Variants in C5orf47 observed in about 807,000 individuals in gnomAD.
C5orf47 encodes the protein chromosome 5 open reading frame 47, also known as uncharacterized protein C5orf47.
A neutral mutation model predicts 20.6 loss-of-function variants in C5orf47; 20 were observed. The ratio of observed to expected loss-of-function variants is 0.97; its 90% confidence interval spans 0.68 to 1.41. C5orf47 has a LOEUF of 1.41. Ranked by LOEUF, C5orf47 falls within the 40% of genes most tolerant of loss-of-function variation. C5orf47 has a pLI of 0.00. For synonymous variants in C5orf47, 106 were observed against 97.3 expected (o/e 1.09, Z -0.53); for missense variants, 262 against 238.4 (o/e 1.10, Z -0.65).
chr5:174,001,918 A>G (rs1759202257), intron 4 of C5orf47, among the ~76,000 whole-genome samples: 1 of 144,494 alleles, frequency 6.9e-6, no homozygotes, highest in African/African-American at 2.6e-5. Context: ...TGTCACCTCT[A>G]CTGAAATCTA....
intron 3 of C5orf47, among the ~76,000 whole-genome samples, chr5:174,000,965 G>T (rs1366729051): frequency 6.6e-6 from 1 of 152,080 alleles, no homozygotes; most frequent in East Asian, 1.9e-4. Flanking sequence ...ATGTAATCTT[G>T]TAAGGATTAT....
chr5:173,995,707 G>C (rs993640407), intron 1 of C5orf47, among the ~76,000 whole-genome samples: 4 of 152,238 alleles, frequency 2.6e-5, no homozygotes, highest in African/African-American at 9.6e-5. Context: ...ATGGTGATTA[G>C]CATGTCTAGC....
At chr5:174,002,950 C>T (rs1405956184) in intron 4 of C5orf47, among the ~76,000 whole-genome samples, 1 of 151,998 alleles carries the variant, frequency 6.6e-6, no homozygotes, top group African/African-American at 2.4e-5. Context: ...CTTGCTGATG[C>T]CTACTTATGA....
intron 1 of C5orf47, among the ~76,000 whole-genome samples, chr5:173,991,966 T>C (rs1759005168): frequency 6.6e-6 from 1 of 152,194 alleles, no homozygotes; most frequent in Admixed American, 6.5e-5. Context: ...AATAACCTTC[T>C]CTATGTTTTC....
In C5orf47 at chr5:173,998,198, C is replaced by T. The variant is rs1247481343; in HGVS notation, c.371C>T (p.Pro124Leu). The change falls in exon 2 of 5, where the codon CCA becomes CTA. Residue 124 changes from proline (P) to leucine (L), a missense_variant. Transcript: ENST00000340147. ...GCTAAAAAGTATGATTTTCCCATACCATTGAATGAAGCTTCCAAAATAATG... is the reference window on the plus strand; with the variant it reads ...GCTAAAAAGTATGATTTTCCCATACTATTGAATGAAGCTTCCAAAATAATG... The part of the protein sequence containing the change: ...DAAKKYDFPI[P>L]LNEASKIMKK... 2.6e-6 allele frequency: 4 copies of T among 1,541,940 alleles called. No individual in the cohort carries two copies. The African/African-American group carries it at 4.1e-5, about 16-fold the overall frequency.
At chr5:173,993,235 C>T (rs1274185883) in intron 1 of C5orf47, among the ~76,000 whole-genome samples, 1 of 152,044 alleles carries the variant, frequency 6.6e-6, no homozygotes, top group East Asian at 1.9e-4. Context: ...ATTTTACTTA[C>T]AGTTGTTTTG....
intron 3 of C5orf47, among the ~76,000 whole-genome samples, chr5:174,000,945 C>A (rs919142013): frequency 3.3e-5 from 5 of 152,070 alleles, no homozygotes; most frequent in Non-Finnish European, 5.9e-5. Context: ...AGCAAGAGGC[C>A]TTCTCTTAAA....
chr5:173,989,487 T>C lies in C5orf47; in HGVS notation c.224T>C (p.Leu75Pro). 1.9e-6 allele frequency: 3 copies of C among 1,547,618 alleles called. No individual in the cohort carries two copies. Among genetic ancestry groups the C allele is most frequent in the Non-Finnish European group, 2.6e-6 (3 of 1,145,654 alleles). The change falls in exon 1 of 5, where the codon CTC (leucine) becomes CCC (proline). Residue 75 changes from leucine to proline, a missense_variant. By Grantham distance (98) the Leu-to-Pro change is moderately conservative (BLOSUM62 -3). Transcript: ENST00000340147. ...AGCGAGCTGCCCCTCGGTTCCCAGC[T>C]CAGGGTCCCCACGACCCCTGGTGTG... Reference protein sequence around the residue: ...GGSELPLGSQLRVPTTPGVEA... With the variant: ...GGSELPLGSQPRVPTTPGVEA...
chr5:173,998,707 A>C (rs1423502041), intron 2 of C5orf47, among the ~76,000 whole-genome samples: 1 of 152,200 alleles, frequency 6.6e-6, no homozygotes, highest in Non-Finnish European at 1.5e-5. Flanking sequence ...TAGTTGTCCA[A>C]ATGTCATGGT....
intron 4 of C5orf47, among the ~76,000 whole-genome samples, chr5:174,003,102 A>G (rs1314431546): frequency 6.6e-6 from 1 of 152,190 alleles, no homozygotes; most frequent in Non-Finnish European, 1.5e-5. Flanking sequence ...GTTGTTATCC[A>G]TTTATAGTTA....
chr5:173,996,745 A>G (rs997815582), intron 1 of C5orf47, among the ~76,000 whole-genome samples: 14 of 152,132 alleles, frequency 9.2e-5, no homozygotes, highest in African/African-American at 3.1e-4. Context: ...ATTAGAAACA[A>G]ATATAATAAA....
chr5:173,989,235 G>A lies in C5orf47; in HGVS notation c.-29G>A. ...GCGCCTGTGGCGTCGTGTTTGCTGA[G>A]GGCCCGGCTGCCGTTGACTGAGGCT... On this transcript the variant is annotated 5_prime_UTR_variant, in exon 1 of 5. Transcript: ENST00000340147. 2 of 1,372,226 alleles carry A rather than the reference G, an allele frequency of 1.5e-6. No individual in the cohort carries two copies. The highest frequency in any genetic ancestry group is 3.5e-5 in the Admixed American group (1 of 28,256). 85.0% of individuals were successfully genotyped at this position (1,372,226 alleles called of 1,614,324 possible).
rs1759261837 is a variant in C5orf47 at position 174,004,945 on chromosome 5, A to G, written c.*691A>G. 6.6e-6 allele frequency: 1 copy of G among 152,166 alleles called. No homozygotes were observed. The highest frequency in any genetic ancestry group is 2.1e-4 in the South Asian group (1 of 4,832). The allele number at this position is 152,166 out of a possible 1,614,324, so 9.4% of individuals were successfully genotyped here. ...ACCTTGCCAGGCCCCTAAGTAATAC[A>G]TTATTTTTAAGTCAATGAATGAGAG... On this transcript the variant is annotated 3_prime_UTR_variant, in exon 5 of 5. Coordinates refer to ENST00000340147, the MANE Select transcript of C5orf47 (RefSeq NM_001144954.2).
chr5:173,993,386 T>C (rs1485919363), intron 1 of C5orf47, among the ~76,000 whole-genome samples: 1 of 152,188 alleles, frequency 6.6e-6, no homozygotes, highest in Non-Finnish European at 1.5e-5. Context: ...CTCATGCCTG[T>C]AATCCCAACA....
rs148436324 is a variant in C5orf47, at chr5:174,006,128, A to G, written c.*1874A>G. On this transcript the variant is annotated 3_prime_UTR_variant, in exon 5 of 5. Coordinates refer to ENST00000340147, the MANE Select transcript of C5orf47 (RefSeq NM_001144954.2). ...ATGACCCACCCCTGCTACATTAAAG[A>G]CTTCAGACTGCATTGTGGTCCTGCC... The G allele has an allele frequency of 6.6e-6, 1 of 152,436 alleles. No individual in the cohort carries two copies. Among genetic ancestry groups the G allele is most frequent in the East Asian group, 1.9e-4 (1 of 5,324 alleles). The allele number at this position is 152,436 out of a possible 1,614,324, so 9.4% of individuals were successfully genotyped here. A position where few individuals can be genotyped will look rare whatever the true frequency, so the allele number is the denominator to read the frequency against.
In C5orf47 at chr5:173,989,580, C is replaced by T. The variant is rs1002588835; in HGVS notation, c.317C>T (p.Ala106Val). The T allele has an allele frequency of 1.0e-5, 15 of 1,451,146 alleles. No homozygotes were observed. Among genetic ancestry groups the T allele is most frequent in the African/African-American group, 1.5e-5 (1 of 68,374 alleles). 89.9% of individuals were successfully genotyped at this position (1,451,146 alleles called of 1,614,324 possible). Residue 106 changes from alanine (A) to valine (V), a missense_variant, in exon 1 of 5, where the codon GCG (alanine) becomes GTG (valine). Coordinates refer to ENST00000340147, the MANE Select transcript of C5orf47 (RefSeq NM_001144954.2). Reference sequence around the variant, plus strand: ...GTTCAGAGCGGCACCAGACAGTCGGCGCGTGCAGGTGGTGCAGCGGGGCAG... The same window carrying T: ...GTTCAGAGCGGCACCAGACAGTCGGTGCGTGCAGGTGGTGCAGCGGGGCAG... ...SRVQSGTRQS[A>V]RAGLIQKDAA...
downstream of C5orf47, among the ~76,000 whole-genome samples, chr5:174,006,654 C>T (rs916104676): frequency 9.9e-5 from 15 of 151,958 alleles, no homozygotes; most frequent in South Asian, 4.2e-4. Flanking sequence ...AGTTTAGGAG[C>T]GGGTCTGTGG....
intron 1 of C5orf47, among the ~76,000 whole-genome samples, chr5:173,992,077 C>T (rs989208905): frequency 2.3e-4 from 35 of 152,194 alleles, no homozygotes; most frequent in African/African-American, 8.2e-4. Flanking sequence ...TTTCCAAATT[C>T]GTTTGCATAG....
intron 2 of C5orf47, 109 bp from the exon 3 acceptor site, chr5:173,999,591 G>C (rs533102419): frequency 1.6e-5 from 8 of 488,546 alleles, no homozygotes; most frequent in Admixed American, 1.6e-4. Context: ...GCCTTATAAT[G>C]ATGATATCAA....
Sources: gnomAD v4.1 joint callset for allele counts (sites outside exome capture counted in the v4.1 genomes callset) on GRCh38, gnomAD v4.1.1 for gene constraint, MANE v1.5 for transcripts, NCBI Gene and HGNC (gene_info 2026-07-23, HGNC 2026-07-21) for gene names.